The following GRIK4 variants were observed in gnomAD, a reference collection of about 807,000 sequenced individuals.
GRIK4 encodes glutamate receptor ionotropic, kainate 4.
In GRIK4, 40 loss-of-function variants were observed where a neutral mutation model predicts 104.9. The ratio of observed to expected loss-of-function variants is 0.38; its 90% CI spans 0.30 to 0.50. The LOEUF (loss-of-function observed/expected upper bound fraction) is 0.50. Ranked by LOEUF, GRIK4 falls within the 20% of genes least tolerant of loss-of-function variation. GRIK4 has a pLI of 0.93. For missense variants in GRIK4, 1,047 were observed against 1,308.1 expected (o/e 0.80, Z 3.08); for synonymous variants, 485 against 524.9 (o/e 0.92, Z 1.04).
chr11:120,519,349 G>A lies in GRIK4; in HGVS notation c.-159+7462G>A, dbSNP rs145228039. On this transcript the variant is annotated intron_variant, in intron 1 of 20. Transcript: ENST00000527524. ...TATTAGGAGGTGGGGCATTTGGGAGGTGATTAAGTCATGGAGCAGAGCCCT... is the reference window on the plus strand; with the variant it reads ...TATTAGGAGGTGGGGCATTTGGGAGATGATTAAGTCATGGAGCAGAGCCCT... Among the ~76,000 whole-genome samples, 20 of 152,286 alleles carry A rather than the reference G, an allele frequency of 1.3e-4. No individual in the cohort carries two copies. In the East Asian group the frequency reaches 3.9e-3, roughly 29 times the overall value.
chr11:120,751,951 T>C (rs996570075), intron 3 of GRIK4, among the ~76,000 whole-genome samples: 1 of 151,590 alleles, frequency 6.6e-6, no homozygotes, highest in Non-Finnish European at 1.5e-5. Flanking sequence ...GGCTGGGGGG[T>C]GGGGAGACAC....
chr11:120,921,041 A>G (rs751208599), intron 13 of GRIK4, among the ~76,000 whole-genome samples: 7 of 151,842 alleles, frequency 4.6e-5, no homozygotes, highest in African/African-American at 1.5e-4. Context: ...TCTCCAGTCT[A>G]TTTCCATTTC....
chr11:120,831,763 C>CGTAT, intron 6 of GRIK4, 89 bp from the exon 7 acceptor site: 12 of 975,684 alleles, frequency 1.2e-5, no homozygotes, highest in Admixed American at 2.0e-5. Context: ...CACTTCCAGC[C>CGTAT]CACATCTCCG....
At chr11:120,937,506 T>C (rs1163861429) in intron 13 of GRIK4, among the ~76,000 whole-genome samples, 1 of 152,244 alleles carries the variant, frequency 6.6e-6, no homozygotes, top group African/African-American at 2.4e-5. Context: ...AAACCTTTCA[T>C]GGCTTCTTTC....
At chr11:120,737,210 C>G (rs576386189) in intron 3 of GRIK4, among the ~76,000 whole-genome samples, 1 of 152,252 alleles carries the variant, frequency 6.6e-6, no homozygotes, top group South Asian at 2.1e-4. Flanking sequence ...GAGCACTTTT[C>G]TTGTCACTAC....
intron 9 of GRIK4, chr11:120,871,390 C>T (rs1427985102): frequency 5.7e-6 from 2 of 349,732 alleles, no homozygotes; most frequent in South Asian, 2.2e-5. Context: ...CCATGCAGGG[C>T]GAATCAAATG....
intron 3 of GRIK4, among the ~76,000 whole-genome samples, chr11:120,664,920 CTT>C (rs1565281637): frequency 6.6e-6 from 1 of 152,090 alleles, no homozygotes. Context: ...TTGAATCTCT[CTT>C]GTTTAAGGTT....
chr11:120,535,907 T>C (rs149436611), intron 1 of GRIK4, among the ~76,000 whole-genome samples: 1 of 152,352 alleles, frequency 6.6e-6, no homozygotes, highest in East Asian at 1.9e-4. Context: ...AGGGTAGGTA[T>C]ACACGTGCAT....
chr11:120,538,556 C>T (rs1049928015), intron 1 of GRIK4, among the ~76,000 whole-genome samples: 3 of 152,214 alleles, frequency 2.0e-5, no homozygotes, highest in African/African-American at 7.2e-5. Context: ...GCATGTATTG[C>T]ATTAGCCATT....
intron 4 of GRIK4, among the ~76,000 whole-genome samples, chr11:120,805,947 C>T (rs1952702558): frequency 6.6e-6 from 1 of 152,222 alleles, no homozygotes; most frequent in Non-Finnish European, 1.5e-5. Context: ...TAGAACCAGA[C>T]TGACCAGCAT....
intron 3 of GRIK4, among the ~76,000 whole-genome samples, chr11:120,759,380 T>G (rs929816950): frequency 6.6e-6 from 1 of 152,188 alleles, no homozygotes; most frequent in Admixed American, 6.5e-5. Context: ...CTCAGGGACA[T>G]CAGATTCAGG....
intron 3 of GRIK4, among the ~76,000 whole-genome samples, chr11:120,722,674 TGACTCCC>T (rs1373293831): frequency 6.6e-6 from 1 of 152,136 alleles, no homozygotes; most frequent in Non-Finnish European, 1.5e-5. Context: ...TCTGGAAGGC[TGACTCCC>T]GACTTGGGCT....
chr11:120,716,687 G>C (rs1269804272), intron 3 of GRIK4, among the ~76,000 whole-genome samples: 1 of 152,112 alleles, frequency 6.6e-6, no homozygotes, highest in African/African-American at 2.4e-5. Flanking sequence ...AATAGATGAG[G>C]AGGAATCCCA....
chr11:120,650,833 A>C (rs938797706), intron 1 of GRIK4, among the ~76,000 whole-genome samples: 1 of 152,220 alleles, frequency 6.6e-6, no homozygotes, highest in Non-Finnish European at 1.5e-5. Flanking sequence ...TTTTGGCCGC[A>C]AAAGCACTTT....
intron 3 of GRIK4, among the ~76,000 whole-genome samples, chr11:120,667,034 C>T (rs1263974978): frequency 1.3e-5 from 2 of 152,190 alleles, no homozygotes; most frequent in African/African-American, 4.8e-5. Context: ...CCAAGGTCCC[C>T]ATACCCGGAG....
At chr11:120,710,327 G>A (rs188962075) in intron 3 of GRIK4, among the ~76,000 whole-genome samples, 6 of 152,292 alleles carry the variant, frequency 3.9e-5, no homozygotes, top group Middle Eastern at 3.4e-3. Flanking sequence ...GAGCTGGGCC[G>A]AGTCACCGGG....
At chr11:120,617,599 T>C (rs1319910604) in intron 1 of GRIK4, among the ~76,000 whole-genome samples, 1 of 152,100 alleles carries the variant, frequency 6.6e-6, no homozygotes, top group Non-Finnish European at 1.5e-5. Context: ...TGGGGCCTGG[T>C]TGTAGGTGAT....
intron 13 of GRIK4, among the ~76,000 whole-genome samples, chr11:120,928,988 T>TGTGTGTGCGC (rs1205285819): frequency 5.1e-5 from 6 of 118,598 alleles, no homozygotes; most frequent in African/African-American, 1.6e-4. Flanking sequence ...TGTGTGTGTG[T>TGTGTGTGCGC]GCGCGCGTGC....
At chr11:120,876,009 AGTGG>A (rs1954778887) in intron 11 of GRIK4, among the ~76,000 whole-genome samples, 5 of 152,124 alleles carry the variant, frequency 3.3e-5, no homozygotes, top group Admixed American at 2.6e-4. Context: ...TACAGCAAGA[AGTGG>A]GTACATTGAA....
Sources: allele counts gnomAD v4.1 joint callset (sites outside exome capture counted in the v4.1 genomes callset), GRCh38; gene constraint gnomAD v4.1.1; transcripts MANE v1.5; gene names NCBI Gene and HGNC (gene_info 2026-07-23, HGNC 2026-07-21).